NUDT3: variants seen among roughly 807,000 people sequenced by gnomAD.
NUDT3 encodes nudix hydrolase 3.
Under a neutral mutation model 23.6 loss-of-function variants are expected in NUDT3, and 9 were observed. That is an observed-to-expected ratio of 0.38 (90% CI 0.23 to 0.66). The LOEUF (loss-of-function observed/expected upper bound fraction) is 0.66, where lower values mean the gene tolerates loss of function less well. Ranked by LOEUF, NUDT3 falls within the 30% of genes least tolerant of loss-of-function variation. The pLI, the probability that NUDT3 is intolerant of heterozygous loss-of-function variation, is 0.52. For synonymous variants in NUDT3, 86 were observed against 82.6 expected, an observed-to-expected ratio of 1.04 and a Z score of -0.22; for missense variants, 172 against 218.5, an observed-to-expected ratio of 0.79 and a Z score of 1.34.
chr6:34,333,743 C>T (rs1460354137), intron 2 of NUDT3, among the ~76,000 whole-genome samples: 3 of 152,208 alleles, frequency 2.0e-5, no homozygotes, highest in Non-Finnish European at 4.4e-5. Flanking sequence ...CTACTCTGAG[C>T]ACAGCTAAGA....
intron 2 of NUDT3, among the ~76,000 whole-genome samples, chr6:34,333,738 C>T (rs1196915202): frequency 6.6e-6 from 1 of 152,202 alleles, no homozygotes; most frequent in East Asian, 1.9e-4. Context: ...CTTCACTACT[C>T]TGAGCACAGC....
At chr6:34,387,199 T>C (rs1476978512) in intron 1 of NUDT3, among the ~76,000 whole-genome samples, 2 of 150,996 alleles carry the variant, frequency 1.3e-5, no homozygotes, top group East Asian at 3.9e-4. Context: ...CTGTATTTAC[T>C]ATACTGTACT....
rs150781420 is a variant in NUDT3, at chr6:34,308,388, G to A, written c.211-12703C>T. Among the ~76,000 whole-genome samples, 283 of 150,956 alleles carry A rather than the reference G, an allele frequency of 1.9e-3. 1 individual carries two copies. Among genetic ancestry groups the A allele is most frequent in the Admixed American group, 4.6e-3 (69 of 15,146 alleles). On this transcript the variant is annotated intron_variant, in intron 2 of 4. Transcript: ENST00000607016. ...AGATGGGTGGACAACTTGAGGCTGG[G>A]AGGTCGAGACTGCAGTGAGCACTGA...
chr6:34,310,631 A>G (rs1266704551), intron 2 of NUDT3, among the ~76,000 whole-genome samples: 1 of 152,194 alleles, frequency 6.6e-6, no homozygotes, highest in African/African-American at 2.4e-5. Flanking sequence ...CAAGTTAAGG[A>G]AAAAATTACA....
In NUDT3 at chr6:34,280,644, T is replaced by G. The variant is rs1763270070; in HGVS notation, c.*8109A>C. 6.6e-6 allele frequency: 1 copy of G among 152,200 alleles called. No individual in the cohort carries two copies. The highest frequency in any genetic ancestry group is 1.5e-5 in the Non-Finnish European group (1 of 68,032). The allele number at this position is 152,200 out of a possible 1,614,324, so 9.4% of individuals were successfully genotyped here. A position where few individuals can be genotyped will look rare whatever the true frequency, so the allele number is the denominator to read the frequency against. ...CCTTTCTACAATTATGAACACACTCTCTAAACAGGAGATCTATATATGCTC... is the reference window on the plus strand; with the variant it reads ...CCTTTCTACAATTATGAACACACTCGCTAAACAGGAGATCTATATATGCTC... On this transcript the variant is annotated 3_prime_UTR_variant, in exon 5 of 5. Transcript: ENST00000607016.
chr6:34,357,606 C>T (rs1320780349), intron 1 of NUDT3, among the ~76,000 whole-genome samples: 2 of 149,658 alleles, frequency 1.3e-5, no homozygotes, highest in Admixed American at 6.7e-5. Context: ...AGGGCAAGAC[C>T]CTATATCCCC....
intron 1 of NUDT3, among the ~76,000 whole-genome samples, chr6:34,346,572 G>A (rs1764374057): frequency 6.6e-6 from 1 of 152,276 alleles, no homozygotes; most frequent in Non-Finnish European, 1.5e-5. Flanking sequence ...TCTAGCAAGT[G>A]TTATTGCTTT....
intron 2 of NUDT3, among the ~76,000 whole-genome samples, chr6:34,298,255 G>C (rs1331153874): frequency 6.6e-6 from 1 of 152,040 alleles, no homozygotes; most frequent in Non-Finnish European, 1.5e-5. Context: ...CAGCTACTCA[G>C]GAGGCTGAAG....
In NUDT3 at chr6:34,288,908, T is replaced by C. The variant is rs1342772693; in HGVS notation, c.364A>G (p.Ile122Val). Residue 122 changes from isoleucine (I) to valine (V), a missense_variant, in exon 5 of 5, where the codon ATA becomes GTA. Physicochemically the swap from Ile to Val is conservative, Grantham distance 29. This residue lies in a region of NUDT3 where 63 missense variants were observed against 64.9 expected (regional missense o/e 0.97). Transcript: ENST00000607016. ...TGCAGCACTTTTATGGCGTCTTCTA[T>C]TTTAAACCATTCCCTCTTCCTTCCT... ...NIGRKREWFK[I>V]EDAIKVLQYH... The C allele has an allele frequency of 4.3e-6, 7 of 1,611,868 alleles. No individual in the cohort carries two copies. Among genetic ancestry groups the C allele is most frequent in the African/African-American group, 1.3e-5 (1 of 74,762 alleles).
chr6:34,311,397 T>C (rs1032014888), intron 2 of NUDT3, among the ~76,000 whole-genome samples: 1 of 152,098 alleles, frequency 6.6e-6, no homozygotes, highest in African/African-American at 2.4e-5. Context: ...ACAAGATCTA[T>C]ATAAAAAAAC....
At chr6:34,339,166 C>A (rs1439305966) in intron 2 of NUDT3, among the ~76,000 whole-genome samples, 1 of 152,230 alleles carries the variant, frequency 6.6e-6, no homozygotes, top group East Asian at 1.9e-4. Context: ...GATGGGCCTG[C>A]TGCTCTCAGA....
intron 2 of NUDT3, among the ~76,000 whole-genome samples, chr6:34,307,893 T>C (rs1171200308): frequency 2.0e-5 from 3 of 151,370 alleles, no homozygotes; most frequent in Non-Finnish European, 2.9e-5. Flanking sequence ...CTGAGGCAGA[T>C]GGATCACTTG....
chr6:34,389,381 C>A (rs1765159092), intron 1 of NUDT3, among the ~76,000 whole-genome samples: 1 of 152,222 alleles, frequency 6.6e-6, no homozygotes. Context: ...TTTCCTGAGG[C>A]TTCCCCAGCC....
intron 1 of NUDT3, among the ~76,000 whole-genome samples, chr6:34,363,411 G>A (rs781586560): frequency 3.9e-5 from 6 of 152,124 alleles, no homozygotes; most frequent in Non-Finnish European, 8.8e-5. Context: ...GGTAAATAAA[G>A]GGCAGACTTA....
intron 2 of NUDT3, among the ~76,000 whole-genome samples, chr6:34,311,332 T>C (rs544709596): frequency 1.1e-3 from 165 of 152,312 alleles, no homozygotes; most frequent in African/African-American, 3.7e-3. Context: ...TCATTTAATT[T>C]ACATTAGCAC....
chr6:34,337,623 T>A (rs1764228935), intron 2 of NUDT3, among the ~76,000 whole-genome samples: 1 of 152,198 alleles, frequency 6.6e-6, no homozygotes, highest in Admixed American at 6.5e-5. Context: ...GTTTTCTATA[T>A]CTTAGCTGCA....
In NUDT3 at chr6:34,283,213, T is replaced by TC. The variant is rs1763297755; in HGVS notation, c.*5539_*5540insG. On this transcript the variant is annotated 3_prime_UTR_variant, in exon 5 of 5. Coordinates refer to ENST00000607016, the MANE Select transcript of NUDT3 (RefSeq NM_006703.4). ...TTCCCTTCCCTTTTCTTTTTTTTTT[T>TC]TTTTTTTTTGAGACGGAGTCTTGCT... 6.7e-6 allele frequency: 1 copy of TC among 149,764 alleles called. No individual in the cohort carries two copies. The highest frequency in any genetic ancestry group is 2.5e-5 in the African/African-American group (1 of 40,442). 9.3% of individuals were successfully genotyped at this position (149,764 alleles called of 1,614,324 possible).
intron 1 of NUDT3, among the ~76,000 whole-genome samples, chr6:34,342,289 C>CAAAAAAATAAAAAAAAA (rs1764299826): frequency 1.5e-5 from 1 of 66,518 alleles, no homozygotes; most frequent in African/African-American, 4.5e-5. Context: ...TAGAAGACTT[C>CAAAAAAATAAAAAAAAA]AAAAAAAAAA....
chr6:34,361,596 C>T lies in NUDT3; in HGVS notation c.100-19624G>A, dbSNP rs1021333017. Among the ~76,000 whole-genome samples, 3 of 152,276 alleles carry T rather than the reference C, an allele frequency of 2.0e-5. No individual in the cohort carries two copies. The South Asian group carries it at 6.2e-4, about 32-fold the overall frequency. On this transcript the variant is annotated intron_variant, in intron 1 of 4. Transcript: ENST00000607016. ...CATGTATGTTTATAGCAGCTTTATT[C>T]ATAATTGCCAAAATCTTGGAAGCAA...
Sources: gnomAD v4.1 joint callset for allele counts (sites outside exome capture counted in the v4.1 genomes callset) on GRCh38, gnomAD v4.1.1 for gene constraint, gnomAD v4.1.1 regional missense constraint, MANE v1.5 for transcripts, NCBI Gene and HGNC (gene_info 2026-07-23, HGNC 2026-07-21) for gene names.